CD8B2: variants seen among roughly 807,000 people sequenced by gnomAD.
CD8B2 encodes the protein T-cell surface glycoprotein CD8 beta-2 chain.
A neutral mutation model predicts 23.7 loss-of-function variants in CD8B2; 11 were observed. The observed-to-expected ratio is 0.46, with a 90% CI of 0.29 to 0.77. CD8B2 has a LOEUF of 0.77. Ranked by LOEUF, CD8B2 falls within the 30% of genes least tolerant of loss-of-function variation. The pLI is 0.09. For synonymous variants in CD8B2, 90 were observed against 109.3 expected (o/e 0.82, Z 1.10); for missense variants, 197 against 270.5 (o/e 0.73, Z 1.91).
At chr2:106,516,679 C>G (rs1420770905) in intron 5 of CD8B2, among the ~76,000 whole-genome samples, 2 of 152,054 alleles carry the variant, frequency 1.3e-5, no homozygotes, top group African/African-American at 4.8e-5. Context: ...CTTTCGTAAG[C>G]CTTTGCTTTG....
At chr2:106,537,905 C>T (rs1252563719) in intron 5 of CD8B2, 1 of 152,166 alleles carries the variant, frequency 6.6e-6, no homozygotes, top group Non-Finnish European at 1.5e-5. Context: ...GCTTCAGGCA[C>T]CTCGCTTTGG....
chr2:106,524,093 G>T (rs1329328857), intron 5 of CD8B2, among the ~76,000 whole-genome samples: 1 of 152,150 alleles, frequency 6.6e-6, no homozygotes, highest in Non-Finnish European at 1.5e-5. Flanking sequence ...GGCCATGTGG[G>T]GCTGATTGTT....
chr2:106,525,518 G>A (rs528665486), intron 5 of CD8B2, among the ~76,000 whole-genome samples: 9 of 152,254 alleles, frequency 5.9e-5, no homozygotes, highest in Admixed American at 2.6e-4. Context: ...AACAGTTCAT[G>A]GCATTTAGTG....
chr2:106,511,943 A>G (rs565286186), downstream of CD8B2, among the ~76,000 whole-genome samples: 1 of 152,308 alleles, frequency 6.6e-6, no homozygotes, highest in Non-Finnish European at 1.5e-5. Flanking sequence ...AGACACTTAC[A>G]TCCTCCACAG....
chr2:106,515,943 C>T (rs567401744), downstream of CD8B2, among the ~76,000 whole-genome samples: 220 of 152,252 alleles, frequency 1.4e-3, no homozygotes, highest in African/African-American at 5.1e-3. Flanking sequence ...CTGCCTCAGC[C>T]TCCCGAGTAG....
At chr2:106,520,215 T>C (rs1435966593) in intron 5 of CD8B2, among the ~76,000 whole-genome samples, 2 of 152,274 alleles carry the variant, frequency 1.3e-5, no homozygotes, top group African/African-American at 4.8e-5. Flanking sequence ...CAATGATTAT[T>C]GAAAGGTTTC....
At chr2:106,518,005 C>T (rs2104566939) in intron 5 of CD8B2, among the ~76,000 whole-genome samples, 1 of 152,294 alleles carries the variant, frequency 6.6e-6, no homozygotes, top group African/African-American at 2.4e-5. Flanking sequence ...GGAGCCACCG[C>T]GCCCAGCCTG....
downstream of CD8B2, among the ~76,000 whole-genome samples, chr2:106,514,592 C>T (rs539495541): frequency 9.9e-5 from 15 of 151,724 alleles, no homozygotes; most frequent in African/African-American, 2.9e-4. Context: ...CGGCCTGGAA[C>T]GTCTGTCTTA....
At chr2:106,540,788 C>T (rs1403340692) in intron 5 of CD8B2, among the ~76,000 whole-genome samples, 1 of 152,174 alleles carries the variant, frequency 6.6e-6, no homozygotes, top group Non-Finnish European at 1.5e-5. Flanking sequence ...TGGTATCGAA[C>T]TCCTGACCTT....
In CD8B2 at chr2:106,506,806, T is replaced by C; in HGVS notation, c.621-122T>C. The C allele has an allele frequency of 4.4e-6, 6 of 1,366,646 alleles. No individual in the cohort carries two copies. The South Asian group carries it at 4.4e-5, about 10-fold the overall frequency. 84.7% of individuals were successfully genotyped at this position (1,366,646 alleles called of 1,614,324 possible). A position where few individuals can be genotyped will look rare whatever the true frequency, so the allele number is the denominator to read the frequency against. ...CCCTAGAAACATACTAACAAAAAAC[T>C]CTCGGCCCCAGGCTACTTGGAGTAG... On this transcript the variant is annotated intron_variant, in intron 5 of 5. Coordinates refer to ENST00000643224, the MANE Select transcript of CD8B2 (RefSeq NM_001349727.2).
chr2:106,492,638 A>G (rs1054786040), intron 2 of CD8B2, among the ~76,000 whole-genome samples: 1 of 151,968 alleles, frequency 6.6e-6, no homozygotes, highest in Admixed American at 6.6e-5. Context: ...GCTGGAGCCA[A>G]CCCCCTCCAG....
intron 5 of CD8B2, among the ~76,000 whole-genome samples, chr2:106,530,503 T>C (rs996324673): frequency 2.6e-5 from 4 of 151,786 alleles, no homozygotes; most frequent in Non-Finnish European, 5.9e-5. Context: ...CTCAGCCTCC[T>C]GAGTAGCTGG....
At chr2:106,500,433 C>T (rs1400910445) in intron 3 of CD8B2, among the ~76,000 whole-genome samples, 1 of 150,006 alleles carries the variant, frequency 6.7e-6, no homozygotes, top group Non-Finnish European at 1.5e-5. Flanking sequence ...AAAGGAGAAT[C>T]GCTTGAACCC....
intron 5 of CD8B2, 113 bp downstream of exon 5, chr2:106,504,438 T>A (rs1363181234): frequency 2.0e-6 from 3 of 1,537,406 alleles, no homozygotes; most frequent in Non-Finnish European, 2.6e-6. Context: ...GATCATAGAC[T>A]CGGCCGGGCG....
chr2:106,495,722 C>A (rs1029501740), intron 2 of CD8B2, among the ~76,000 whole-genome samples: 6 of 152,114 alleles, frequency 3.9e-5, no homozygotes, highest in African/African-American at 1.2e-4. Context: ...TGCTCTGTGA[C>A]CTTCAAGCCC....
At chr2:106,542,389 G>A (rs1163667184) in intron 5 of CD8B2, among the ~76,000 whole-genome samples, 2 of 152,154 alleles carry the variant, frequency 1.3e-5, no homozygotes, top group Non-Finnish European at 2.9e-5. Flanking sequence ...GTCATGAATA[G>A]AGATTGTTAC....
intron 5 of CD8B2, among the ~76,000 whole-genome samples, chr2:106,529,038 G>A (rs1164474875): frequency 6.6e-6 from 1 of 152,180 alleles, no homozygotes; most frequent in Non-Finnish European, 1.5e-5. Context: ...CAGCTCCTGA[G>A]CTCTGCAGCT....
At chr2:106,523,422 CAG>C (rs1679858571) in intron 5 of CD8B2, among the ~76,000 whole-genome samples, 1 of 152,130 alleles carries the variant, frequency 6.6e-6, no homozygotes, top group South Asian at 2.1e-4. Flanking sequence ...TGTGTTTTGG[CAG>C]AGACTCAAAG....
chr2:106,503,720 G>C (rs1573335568), intron 4 of CD8B2, among the ~76,000 whole-genome samples: 1 of 136,288 alleles, frequency 7.3e-6, no homozygotes, highest in Non-Finnish European at 1.6e-5. Context: ...GATCACTTGA[G>C]CCCAGGAGTT....
Sources: gnomAD v4.1 joint callset for allele counts (sites outside exome capture counted in the v4.1 genomes callset) on GRCh38, gnomAD v4.1.1 for gene constraint, MANE v1.5 for transcripts, NCBI Gene and HGNC (gene_info 2026-07-23, HGNC 2026-07-21) for gene names.